Variants in PTPRT observed in about 807,000 individuals in gnomAD.
PTPRT encodes protein tyrosine phosphatase receptor type T.
PTPRT carries 56 observed loss-of-function variants against 176.8 expected under a neutral mutation model. The observed-to-expected ratio is 0.32, with a 90% CI of 0.26 to 0.40. PTPRT has a LOEUF of 0.40. PTPRT is among the 10% of genes least tolerant of loss of function. PTPRT has a pLI of 1.00. For synonymous variants in PTPRT, 783 were observed against 739.0 expected (o/e 1.06, Z -0.96); for missense variants, 1,540 against 1,908.2 (o/e 0.81, Z 3.60).
chr20:42,227,605 T>G (rs1375512075), intron 15 of PTPRT, among the ~76,000 whole-genome samples: 1 of 137,234 alleles, frequency 7.3e-6, no homozygotes, highest in Non-Finnish European at 1.6e-5. Context: ...TCATTGTTTT[T>G]TTTTTTTTTT....
intron 13 of PTPRT, among the ~76,000 whole-genome samples, chr20:42,279,662 A>G (rs2057105828): frequency 6.6e-6 from 1 of 152,224 alleles, no homozygotes; most frequent in South Asian, 2.1e-4. Flanking sequence ...TAGTAGCAAC[A>G]TTACACAAAG....
At chr20:42,660,560 C>T (rs773154624) in intron 7 of PTPRT, among the ~76,000 whole-genome samples, 1 of 152,140 alleles carries the variant, frequency 6.6e-6, no homozygotes, top group Non-Finnish European at 1.5e-5. Flanking sequence ...CTGAGTGATG[C>T]TTTGTTGGAT....
At chr20:42,892,424 G>T (rs1259581323) in intron 1 of PTPRT, among the ~76,000 whole-genome samples, 1 of 151,922 alleles carries the variant, frequency 6.6e-6, no homozygotes, top group Non-Finnish European at 1.5e-5. Context: ...CACAGAATCT[G>T]GTCTCACCAT....
chr20:42,703,596 G>C (rs1475154034), intron 6 of PTPRT, among the ~76,000 whole-genome samples: 1 of 152,078 alleles, frequency 6.6e-6, no homozygotes, highest in Admixed American at 6.6e-5. Context: ...TGCAACCCAG[G>C]TTTTATTTAT....
chr20:42,955,853 G>A (rs1412916833), intron 1 of PTPRT, among the ~76,000 whole-genome samples: 3 of 115,984 alleles, frequency 2.6e-5, no homozygotes, highest in Non-Finnish European at 5.3e-5. Flanking sequence ...GAGGGAGGGA[G>A]AAGGAGGGAG....
chr20:42,424,415 T>G (rs59669560), intron 9 of PTPRT, among the ~76,000 whole-genome samples: 16,688 of 152,154 alleles, frequency 0.11, 922 homozygotes, highest in Middle Eastern at 0.14. Flanking sequence ...TCCAGAGCCT[T>G]GGGCAGAGAA....
rs185215469 is a variant in PTPRT, at chr20:42,105,125, A to C, written c.3391-407T>G. ...GAAAGGAACCCTCAAGCAATGACAG[A>C]TGGAGAGTTGAGGATAGAAATCTAA... is the stretch of plus-strand genomic sequence containing the variant. On this transcript the variant is annotated intron_variant, in intron 24 of 30. Transcript: ENST00000373187. Among the ~76,000 whole-genome samples the C allele has an allele frequency of 2.1e-3, 317 of 152,298 alleles. 2 individuals are homozygous for C. The highest frequency in any genetic ancestry group is 3.4e-3 in the Middle Eastern group (1 of 294).
chr20:42,640,608 C>T (rs1039349739), intron 7 of PTPRT, among the ~76,000 whole-genome samples: 1 of 151,896 alleles, frequency 6.6e-6, no homozygotes, highest in African/African-American at 2.4e-5. Flanking sequence ...AGGCTGGTCT[C>T]GAACTCCTGA....
intron 9 of PTPRT, among the ~76,000 whole-genome samples, chr20:42,409,177 T>C (rs928054632): frequency 1.3e-5 from 2 of 152,096 alleles, no homozygotes; most frequent in African/African-American, 4.8e-5. Flanking sequence ...TCCAAAATAA[T>C]GTCAAATTGA....
rs1054791664 is a variant in PTPRT at position 42,077,452 on chromosome 20, C to G, written c.*3427G>C. Reference sequence around the variant, plus strand: ...GGTAAGAGCTCCTGTTGTAAAGACTCAGAGAGCATTAATAATATTTTCCTC... The same window carrying G: ...GGTAAGAGCTCCTGTTGTAAAGACTGAGAGAGCATTAATAATATTTTCCTC... On this transcript the variant is annotated 3_prime_UTR_variant, in exon 31 of 31. Coordinates refer to ENST00000373187, the MANE Select transcript of PTPRT (RefSeq NM_007050.6). 8.9e-6 allele frequency: 2 copies of G among 224,278 alleles called. No individual in the cohort carries two copies. The highest frequency in any genetic ancestry group is 4.5e-5 in the African/African-American group (2 of 44,854). 13.9% of individuals were successfully genotyped at this position (224,278 alleles called of 1,614,324 possible). A position where few individuals can be genotyped will look rare whatever the true frequency, so the allele number is the denominator to read the frequency against.
rs371582029 is a variant in PTPRT at position 42,356,038 on chromosome 20, T to G, written c.1561-3753A>C. 5.3e-5 allele frequency among the ~76,000 whole-genome samples: 8 copies of G among 152,298 alleles called. No individual in the cohort carries two copies. The East Asian group carries it at 7.7e-4, about 15-fold the overall frequency. On this transcript the variant is annotated intron_variant, in intron 9 of 30. Transcript: ENST00000373187. ...ATTTTTTATGAAGGGCTTCACCAAATCTAATTCCCACTGCTTTGTCAGAAA... is the reference window on the plus strand; with the variant it reads ...ATTTTTTATGAAGGGCTTCACCAAAGCTAATTCCCACTGCTTTGTCAGAAA...
At chr20:43,034,924 T>G (rs570071229) in intron 1 of PTPRT, among the ~76,000 whole-genome samples, 1 of 148,934 alleles carries the variant, frequency 6.7e-6, no homozygotes, top group East Asian at 2.1e-4. Context: ...ACCCCCACCT[T>G]TTCCTCAGCA....
chr20:42,228,393 T>C (rs188416241), intron 15 of PTPRT, among the ~76,000 whole-genome samples: 2 of 152,334 alleles, frequency 1.3e-5, no homozygotes, highest in East Asian at 1.9e-4. Flanking sequence ...GCCAGTTCAA[T>C]AGAGTAAACA....
intron 7 of PTPRT, among the ~76,000 whole-genome samples, chr20:42,667,588 G>A (rs2075338282): frequency 1.3e-5 from 2 of 152,140 alleles, no homozygotes; most frequent in Non-Finnish European, 2.9e-5. Context: ...TATCTTTAAT[G>A]CTTCTCTGTG....
intron 6 of PTPRT, among the ~76,000 whole-genome samples, chr20:42,689,347 C>A (rs4812618): frequency 1.4e-4 from 21 of 152,102 alleles, no homozygotes; most frequent in Admixed American, 1.2e-3. Context: ...GAATCTGCCA[C>A]TGGGCGGCCC....
At chr20:42,160,015 T>A (rs1989519086) in intron 17 of PTPRT, among the ~76,000 whole-genome samples, 1 of 152,162 alleles carries the variant, frequency 6.6e-6, no homozygotes. Flanking sequence ...GAATATAGTC[T>A]GAGGGATAAA....
intron 7 of PTPRT, among the ~76,000 whole-genome samples, chr20:42,648,223 C>G (rs944688743): frequency 6.6e-6 from 1 of 152,088 alleles, no homozygotes; most frequent in Non-Finnish European, 1.5e-5. Context: ...TCAAGAAGAA[C>G]AGACTCCTCC....
intron 1 of PTPRT, among the ~76,000 whole-genome samples, chr20:43,169,339 A>G (rs192102277): frequency 3.3e-5 from 5 of 152,290 alleles, no homozygotes; most frequent in Admixed American, 2.6e-4. Context: ...TGACATTATC[A>G]TTGTCATGAC....
At chr20:43,101,106 T>C (rs1226543527) in intron 1 of PTPRT, among the ~76,000 whole-genome samples, 3 of 152,174 alleles carry the variant, frequency 2.0e-5, no homozygotes, top group African/African-American at 7.2e-5. Flanking sequence ...CATAAACACA[T>C]GCTCATTACC....
Sources: gnomAD v4.1 joint callset for allele counts (sites outside exome capture counted in the v4.1 genomes callset) on GRCh38, gnomAD v4.1.1 for gene constraint, MANE v1.5 for transcripts, NCBI Gene and HGNC (gene_info 2026-07-23, HGNC 2026-07-21) for gene names.